PTPRN2: variants seen among roughly 807,000 people sequenced by gnomAD.
PTPRN2 encodes receptor-type tyrosine-protein phosphatase N2.
Under a neutral mutation model 118.8 loss-of-function variants are expected in PTPRN2, and 74 were observed. That is an observed-to-expected ratio of 0.62 (90% CI 0.52 to 0.76). PTPRN2 has a LOEUF of 0.76. PTPRN2 is among the 30% of genes least tolerant of loss of function. The pLI, the probability that PTPRN2 is intolerant of heterozygous loss-of-function variation, is 0.00. For synonymous variants in PTPRN2, 641 were observed against 608.0 expected (o/e 1.05, Z -0.80); for missense variants, 1,481 against 1,394.4 (o/e 1.06, Z -0.99).
chr7:157,973,201 C>T (rs1014978171), intron 11 of PTPRN2, among the ~76,000 whole-genome samples: 2 of 152,154 alleles, frequency 1.3e-5, no homozygotes, highest in African/African-American at 2.4e-5. Context: ...CAGGGGCCTT[C>T]GAGGGATGAA....
intron 11 of PTPRN2, among the ~76,000 whole-genome samples, chr7:157,989,350 T>C (rs1262473821): frequency 6.6e-6 from 1 of 151,586 alleles, no homozygotes; most frequent in Non-Finnish European, 1.5e-5. Flanking sequence ...GCCCAGGAGG[T>C]CTAAGCTGCA....
intron 12 of PTPRN2, among the ~76,000 whole-genome samples, chr7:157,716,158 C>CG (rs893091481): frequency 6.6e-6 from 1 of 151,956 alleles, no homozygotes; most frequent in Non-Finnish European, 1.5e-5. Context: ...CTGTGGGCAT[C>CG]GCCTTGGGCT....
At position 157,874,704 on chromosome 7, in the gene PTPRN2, CACACACTCATGCACACACACACAGAG is replaced by C. The variant is rs1362121750; in HGVS notation, c.1788+23943_1788+23968del. Among the ~76,000 whole-genome samples, 6 of 152,082 alleles carry C rather than the reference CACACACTCATGCACACACACACAGAG, an allele frequency of 3.9e-5. No individual in the cohort carries two copies. Among genetic ancestry groups the C allele is most frequent in the African/African-American group, 1.4e-4 (6 of 41,422 alleles). On this transcript the variant is annotated intron_variant, in intron 12 of 22. Transcript: ENST00000389418. The surrounding 1 kb of genome is among the most constrained non-coding windows in gnomAD (Gnocchi z 5.8). The stretch of plus-strand genomic sequence containing the variant: ...CAGGTAGCAAAGTAACCCAAGCAGA[CACACACTCATGCACACACACACAGAG>C]ACACACTCATGCACATACACAGACA...
At chr7:158,251,558 C>G (rs1796666310) in intron 3 of PTPRN2, among the ~76,000 whole-genome samples, 1 of 148,728 alleles carries the variant, frequency 6.7e-6, no homozygotes, top group Non-Finnish European at 1.5e-5. Context: ...GTCTATGGTG[C>G]CTGTGGGGTG....
intron 2 of PTPRN2, among the ~76,000 whole-genome samples, chr7:158,344,226 C>T (rs7779175): frequency 0.66 from 100,169 of 152,024 alleles, 33,661 homozygotes; most frequent in South Asian, 0.79. Flanking sequence ...CCAGCAACCC[C>T]ACACAGGCCC....
chr7:157,644,523 C>T (rs2906927), intron 14 of PTPRN2, among the ~76,000 whole-genome samples: 58,037 of 152,036 alleles, frequency 0.38, 11,647 homozygotes, highest in Middle Eastern at 0.48. Flanking sequence ...TCTGGCTGGG[C>T]GCGGTGGCTC....
At chr7:157,681,101 G>A (rs1406068153) in intron 13 of PTPRN2, among the ~76,000 whole-genome samples, 4 of 150,930 alleles carry the variant, frequency 2.7e-5, no homozygotes, top group African/African-American at 9.7e-5. Context: ...TCAACCTGCA[G>A]TTTTTTTTTC....
In PTPRN2 at chr7:158,026,189, C is replaced by T. The variant is rs11768119; in HGVS notation, c.1723+55109G>A. Among the ~76,000 whole-genome samples the T allele has an allele frequency of 9.9e-5, 15 of 152,218 alleles. No homozygotes were observed. The South Asian group carries it at 1.2e-3, about 13-fold the overall frequency. ...ATTATTTAGGCTTTGTGGTTTCATC[C>T]GGAGTAAGTGCCTATTTAGGAAAAA... On this transcript the variant is annotated intron_variant, in intron 11 of 22. Transcript: ENST00000389418.
intron 2 of PTPRN2, among the ~76,000 whole-genome samples, chr7:158,405,500 G>C (rs150862732): frequency 6.6e-6 from 1 of 152,134 alleles, no homozygotes; most frequent in Non-Finnish European, 1.5e-5. Context: ...TGCAGCGTCC[G>C]ACCGTCTCTC....
At chr7:157,747,447 G>C (rs1314196847) in intron 12 of PTPRN2, among the ~76,000 whole-genome samples, 1 of 116,000 alleles carries the variant, frequency 8.6e-6, no homozygotes, top group Non-Finnish European at 1.7e-5. Context: ...GTGATTCTGA[G>C]GCCTGCGTCC....
chr7:157,572,414 G>A (rs6459797), intron 19 of PTPRN2, among the ~76,000 whole-genome samples: 59,562 of 152,106 alleles, frequency 0.39, 11,958 homozygotes, highest in Middle Eastern at 0.49. Flanking sequence ...AAAATGTCAC[G>A]TTTCTTTGCA....
At chr7:158,337,624 A>G (rs766218660) in intron 2 of PTPRN2, among the ~76,000 whole-genome samples, 2,320 of 81,436 alleles carry the variant, frequency 0.028, 1 homozygote, top group Non-Finnish European at 0.032. Flanking sequence ...AAGAGGAGAC[A>G]CCTGCAGACG....
chr7:158,197,344 A>G (rs899002068), intron 4 of PTPRN2, among the ~76,000 whole-genome samples: 3 of 152,216 alleles, frequency 2.0e-5, no homozygotes, highest in Non-Finnish European at 4.4e-5. Context: ...TAGGAAATAC[A>G]CTGGGGCTTG....
In PTPRN2 at chr7:157,629,982, C is replaced by T. The variant is rs959717900; in HGVS notation, c.2197-8473G>A. On this transcript the variant is annotated intron_variant, in intron 14 of 22. Coordinates refer to ENST00000389418, the MANE Select transcript of PTPRN2 (RefSeq NM_002847.5). The surrounding 1 kb of genome is among the most constrained non-coding windows in gnomAD (Gnocchi z 4.4). ...CCACTTGGGGAAATGATGACCTTTT[C>T]TTTCTTTAAAAATAAACACAGTCAC... is the stretch of plus-strand genomic sequence containing the variant. Among the ~76,000 whole-genome samples the T allele has an allele frequency of 6.6e-6, 1 of 152,280 alleles. No homozygotes were observed. The highest frequency in any genetic ancestry group is 2.1e-4 in the South Asian group (1 of 4,828).
chr7:158,002,971 C>T (rs1246971808), intron 11 of PTPRN2, among the ~76,000 whole-genome samples: 13 of 152,132 alleles, frequency 8.5e-5, no homozygotes, highest in Non-Finnish European at 1.8e-4. Flanking sequence ...GGGTCTGCTA[C>T]AGGCCGCTTG....
intron 3 of PTPRN2, among the ~76,000 whole-genome samples, chr7:158,222,444 G>A (rs1317855557): frequency 6.6e-6 from 1 of 152,116 alleles, no homozygotes; most frequent in Non-Finnish European, 1.5e-5. Context: ...GCAGCTGTAG[G>A]CCATCATCCT....
At chr7:157,771,783 ACACT>A (rs78071320) in intron 12 of PTPRN2, among the ~76,000 whole-genome samples, 69 of 126,850 alleles carry the variant, frequency 5.4e-4, no homozygotes, top group South Asian at 4.8e-3. Flanking sequence ...ACACAGACAC[ACACT>A]CACAGACACA....
At chr7:158,155,487 TCACCA>T (rs1821634052) in intron 6 of PTPRN2, among the ~76,000 whole-genome samples, 1 of 113,860 alleles carries the variant, frequency 8.8e-6, no homozygotes, top group Non-Finnish European at 1.9e-5. Context: ...ACCATCATCA[TCACCA>T]TCACCATCAT....
rs1219271551 is a variant in PTPRN2 at position 157,587,119 on chromosome 7, GCAGACAGGCAGATACA to G, written c.2496+8103_2496+8118del. Reference sequence around the variant, plus strand: ...CTGGACTAGTGCAGTAGCTGACACAGCAGACAGGCAGATACACAGGCAGGCAGACAGGCAGACAGGC... The same window carrying G: ...CTGGACTAGTGCAGTAGCTGACACAGCAGGCAGGCAGACAGGCAGACAGGC... On this transcript the variant is annotated intron_variant, in intron 17 of 22. Transcript: ENST00000389418. The surrounding 1 kb of genome is among the most constrained non-coding windows in gnomAD (Gnocchi z 5.3). Among the ~76,000 whole-genome samples, 2 of 152,192 alleles carry G rather than the reference GCAGACAGGCAGATACA, an allele frequency of 1.3e-5. No homozygotes were observed. The highest frequency in any genetic ancestry group is 2.9e-5 in the Non-Finnish European group (2 of 68,032).
Sources: gnomAD v4.1 joint callset for allele counts (sites outside exome capture counted in the v4.1 genomes callset) on GRCh38, gnomAD v4.1.1 for gene constraint, Gnocchi (gnomAD v3.1) non-coding constraint, MANE v1.5 for transcripts, NCBI Gene and HGNC (gene_info 2026-07-23, HGNC 2026-07-21) for gene names.